SLC23A2: variants seen among roughly 807,000 people sequenced by gnomAD.
The protein encoded by SLC23A2 is solute carrier family 23 member 2.
Under a neutral mutation model 73.3 loss-of-function variants are expected in SLC23A2, and 36 were observed. The observed-to-expected ratio is 0.49, with a 90% CI of 0.38 to 0.65. SLC23A2 has a LOEUF of 0.65. Ranked by LOEUF, SLC23A2 falls within the 30% of genes least tolerant of loss-of-function variation. The probability of loss-of-function intolerance (pLI) is 0.00; values close to 1 mark genes in which losing one functional copy is unlikely to be tolerated. For missense variants in SLC23A2, 507 were observed against 841.6 expected (o/e 0.60, Z 4.92); for synonymous variants, 343 against 327.3 (o/e 1.05, Z -0.52).
At chr20:4,874,484 G>T in intron 10 of SLC23A2, 92 bp downstream of exon 10, 1 of 1,213,044 alleles carries the variant, frequency 8.2e-7, no homozygotes, top group Non-Finnish European at 1.2e-6. Flanking sequence ...GATCCCCCAA[G>T]GAGGGCCTGC....
Position 4,998,680 on chromosome 20 carries a change from G to GT in SLC23A2, c.-282+2725dup, listed in dbSNP as rs1381523717. Among the ~76,000 whole-genome samples the GT allele has an allele frequency of 6.6e-6, 1 of 152,192 alleles. No homozygotes were observed. The highest frequency in any genetic ancestry group is 1.5e-5 in the Non-Finnish European group (1 of 68,044). On this transcript the variant is annotated intron_variant, in intron 1 of 16. Coordinates refer to ENST00000338244, the MANE Select transcript of SLC23A2 (RefSeq NM_005116.6). The surrounding 1 kb of genome is among the most constrained non-coding windows in gnomAD (Gnocchi z 4.1). Reference sequence around the variant, plus strand: ...GTTTTATGGGCAAGGCCAGGAAACGGTTCAGGAAGGACTGTAAGATGTTTA... The same window carrying GT: ...GTTTTATGGGCAAGGCCAGGAAACGGTTTCAGGAAGGACTGTAAGATGTTTA...
chr20:4,919,490 T>C (rs904193064), intron 3 of SLC23A2, among the ~76,000 whole-genome samples: 1 of 152,182 alleles, frequency 6.6e-6, no homozygotes, highest in African/African-American at 2.4e-5. Flanking sequence ...CCTCTCCCCA[T>C]GCCGGCCCAC....
At chr20:4,992,178 C>G (rs2087936682) in intron 1 of SLC23A2, among the ~76,000 whole-genome samples, 1 of 152,030 alleles carries the variant, frequency 6.6e-6, no homozygotes, top group Non-Finnish European at 1.5e-5. Flanking sequence ...ATAGGCACTA[C>G]CAGATAATAA....
chr20:4,981,449 C>T (rs559332888), intron 1 of SLC23A2, among the ~76,000 whole-genome samples: 1 of 152,300 alleles, frequency 6.6e-6, no homozygotes, highest in African/African-American at 2.4e-5. Context: ...TGGCTGTACC[C>T]TGGAATCACC....
At chr20:4,864,496 C>G (rs185684038) in intron 13 of SLC23A2, among the ~76,000 whole-genome samples, 7 of 151,752 alleles carry the variant, frequency 4.6e-5, no homozygotes, top group African/African-American at 1.7e-4. Context: ...AAAGATCACT[C>G]AAACTGACAA....
At chr20:4,964,103 G>A (rs916085148) in intron 2 of SLC23A2, among the ~76,000 whole-genome samples, 40 of 151,778 alleles carry the variant, frequency 2.6e-4, no homozygotes, top group African/African-American at 9.4e-4. Flanking sequence ...ACCTTCCTGG[G>A]CTCAGGTGAT....
chr20:4,970,610 G>A (rs113859593), intron 2 of SLC23A2, among the ~76,000 whole-genome samples, 183 bp downstream of exon 2: 80 of 152,184 alleles, frequency 5.3e-4, no homozygotes, highest in Middle Eastern at 3.4e-3. Context: ...CATGGCTCAC[G>A]TCTGTAGTCC....
intron 13 of SLC23A2, among the ~76,000 whole-genome samples, chr20:4,864,169 C>A (rs1930099529): frequency 6.6e-6 from 1 of 152,196 alleles, no homozygotes; most frequent in Non-Finnish European, 1.5e-5. Context: ...GGAGTATCCA[C>A]AAGGATTTAT....
intron 3 of SLC23A2, among the ~76,000 whole-genome samples, chr20:4,925,639 C>T (rs1041304242): frequency 3.3e-5 from 5 of 152,162 alleles, no homozygotes; most frequent in Middle Eastern, 3.2e-3. Context: ...CGGCACCCAC[C>T]GCAGGAATTT....
At chr20:4,971,863 G>T (rs1399817586) in intron 1 of SLC23A2, among the ~76,000 whole-genome samples, 3 of 152,012 alleles carry the variant, frequency 2.0e-5, no homozygotes, top group Non-Finnish European at 4.4e-5. Context: ...ATATTCCCTA[G>T]CACAGGGTCT....
At chr20:4,912,081 G>T (rs1932175023) in intron 4 of SLC23A2, among the ~76,000 whole-genome samples, 2 of 137,866 alleles carry the variant, frequency 1.5e-5, no homozygotes, top group South Asian at 4.6e-4. Flanking sequence ...CTGGCCTCAA[G>T]CAATCTTCCC....
rs931287527 is a variant in SLC23A2 at position 4,899,033 on chromosome 20, C to A, written c.482+522G>T. The stretch of plus-strand genomic sequence containing the variant: ...CAGGAGACAGGGCTCAGAGGCATGG[C>A]TGGAGATGGAAGTGGGGCAGAGAGC... On this transcript the variant is annotated intron_variant, in intron 6 of 16. Transcript: ENST00000338244. The surrounding 1 kb of genome is among the most constrained non-coding windows in gnomAD (Gnocchi z 4.9). Among the ~76,000 whole-genome samples the A allele has an allele frequency of 1.1e-4, 17 of 152,128 alleles. No individual in the cohort carries two copies. The highest frequency in any genetic ancestry group is 4.1e-4 in the African/African-American group (17 of 41,432).
intron 5 of SLC23A2, among the ~76,000 whole-genome samples, chr20:4,901,607 C>G (rs1352763541): frequency 6.6e-6 from 1 of 152,156 alleles, no homozygotes; most frequent in Non-Finnish European, 1.5e-5. Context: ...CACCACCCAC[C>G]TTGTCCCTGA....
intron 2 of SLC23A2, among the ~76,000 whole-genome samples, chr20:4,933,357 A>G (rs998936460): frequency 6.6e-6 from 1 of 152,114 alleles, no homozygotes; most frequent in Non-Finnish European, 1.5e-5. Flanking sequence ...TACTCCCAGC[A>G]CTTTGGGAAG....
intron 4 of SLC23A2, among the ~76,000 whole-genome samples, chr20:4,905,741 G>A (rs566587392): frequency 6.6e-6 from 1 of 152,284 alleles, no homozygotes; most frequent in East Asian, 1.9e-4. Flanking sequence ...AGCACAGTCA[G>A]CACATATTTT....
intron 1 of SLC23A2, among the ~76,000 whole-genome samples, chr20:4,972,642 C>T (rs6053003): frequency 1.3e-5 from 2 of 151,136 alleles, no homozygotes; most frequent in African/African-American, 2.4e-5. Context: ...GCTGGAGTGC[C>T]GTGGCGCAAT....
chr20:4,915,479 G>C (rs1932289801), intron 3 of SLC23A2, among the ~76,000 whole-genome samples: 1 of 152,068 alleles, frequency 6.6e-6, no homozygotes, highest in Non-Finnish European at 1.5e-5. Context: ...AATTTATTTT[G>C]ATAATAGGGA....
chr20:4,863,013 C>T lies in SLC23A2; in HGVS notation c.1357-106G>A, dbSNP rs1034255543. On this transcript the variant is annotated intron_variant, in intron 13 of 16. Transcript: ENST00000338244. The surrounding 1 kb of genome is among the most constrained non-coding windows in gnomAD (Gnocchi z 4.8). ...GAGATACCCATGGCCTGGCTCGCTA[C>T]CTTCACCTCCTCCTCAGCCCACTCT... The T allele has an allele frequency of 2.8e-6, 3 of 1,090,280 alleles. No homozygotes were observed. In the East Asian group the frequency reaches 7.9e-5, roughly 29 times the overall value. The allele number at this position is 1,090,280 out of a possible 1,614,324, so 67.5% of individuals were successfully genotyped here.
rs1326202563 is a variant in SLC23A2 at position 4,883,173 on chromosome 20, G to A, written c.824+469C>T. On this transcript the variant is annotated intron_variant, in intron 9 of 16. Transcript: ENST00000338244. The surrounding 1 kb of genome is among the most constrained non-coding windows in gnomAD (Gnocchi z 4.5). ...TCCCCCAACCACCCACCCGTCAGGA[G>A]TGCAGAGCTCAGTGTGGCCTGGGGA... Among the ~76,000 whole-genome samples, 1 of 152,186 alleles carries A rather than the reference G, an allele frequency of 6.6e-6. No homozygotes were observed. The highest frequency in any genetic ancestry group is 1.5e-5 in the Non-Finnish European group (1 of 68,036).
Sources: allele counts gnomAD v4.1 joint callset (sites outside exome capture counted in the v4.1 genomes callset), GRCh38; gene constraint gnomAD v4.1.1; non-coding constraint Gnocchi (gnomAD v3.1); transcripts MANE v1.5; gene names NCBI Gene and HGNC (gene_info 2026-07-23, HGNC 2026-07-21).